Variants in INO80 observed in about 807,000 individuals in gnomAD.
INO80 encodes INO80 complex ATPase subunit.
INO80 carries 20 observed loss-of-function variants against 203.4 expected under a neutral mutation model. The observed-to-expected ratio is 0.10, with a 90% confidence interval of 0.07 to 0.14. The LOEUF is 0.14. Ranked by LOEUF, INO80 falls within the 10% of genes least tolerant of loss-of-function variation. The pLI is 1.00. For synonymous variants in INO80, 726 were observed against 685.2 expected, an observed-to-expected ratio of 1.06 and a Z score of -0.93; for missense variants, 1,419 against 1,914.4, an observed-to-expected ratio of 0.74 and a Z score of 4.83.
intron 25 of INO80, 44 bp from the exon 26 acceptor site, chr15:41,021,169 A>T (rs772390366): frequency 3.0e-6 from 4 of 1,340,876 alleles, no homozygotes; most frequent in Non-Finnish European, 2.1e-6. Context: ...CACGTTGTCC[A>T]TACACACTAT....
chr15:41,072,683 CAA>C (rs1369070073), intron 11 of INO80, among the ~76,000 whole-genome samples: 5 of 140,698 alleles, frequency 3.6e-5, no homozygotes, highest in African/African-American at 7.8e-5. Flanking sequence ...AAATAAATAA[CAA>C]AGAGCAAGTT....
intron 21 of INO80, among the ~76,000 whole-genome samples, chr15:41,049,026 T>A (rs893507098): frequency 3.3e-5 from 5 of 152,268 alleles, no homozygotes; most frequent in Admixed American, 1.3e-4. Context: ...GCATACTTGC[T>A]GCAAGTACAT....
chr15:41,025,839 C>T (rs1390353598), intron 25 of INO80, among the ~76,000 whole-genome samples: 3 of 152,184 alleles, frequency 2.0e-5, no homozygotes, highest in Non-Finnish European at 4.4e-5. Context: ...TTGGTATACA[C>T]CTATCATACT....
chr15:41,062,284 G>A (rs1404421595), intron 14 of INO80, among the ~76,000 whole-genome samples: 1 of 152,054 alleles, frequency 6.6e-6, no homozygotes, highest in East Asian at 1.9e-4. Context: ...AAGAAGGCAA[G>A]TTTTTCCCCC....
intron 34 of INO80, chr15:40,983,356 CA>C (rs1267443817): frequency 1.1e-5 from 5 of 451,720 alleles, no homozygotes; most frequent in Non-Finnish European, 2.0e-5. Flanking sequence ...TTGTCCATTA[CA>C]AAGGGAAGCG....
chr15:41,075,676 A>T (rs1357915171), intron 9 of INO80, among the ~76,000 whole-genome samples: 1 of 151,982 alleles, frequency 6.6e-6, no homozygotes, highest in African/African-American at 2.4e-5. Context: ...GGATGGTCTC[A>T]ATCTCCCGAC....
rs780659627 is a variant in INO80 at position 41,021,131 on chromosome 15, G to T, written c.3049-6C>A. On this transcript the variant is annotated splice_region_variant and splice_polypyrimidine_tract_variant and intron_variant, in intron 25 of 35. Coordinates refer to ENST00000648947, the MANE Select transcript of INO80 (RefSeq NM_017553.3). ...TCCAATGGCACTGCGGTAACCTGCA[G>T]TTAAAGATTCACATGAGATGGCTCT... 36 of 1,603,968 alleles carry T rather than the reference G, an allele frequency of 2.2e-5. No homozygotes were observed. Among genetic ancestry groups the T allele is most frequent in the South Asian group, 1.5e-4 (14 of 90,884 alleles).
In INO80 at chr15:41,038,011, C is replaced by CTTTTT. The variant is rs748525965; in HGVS notation, c.2907+6888_2907+6892dup. ...GCCTCTCTTGCCCCTCTTCCCTTTT[C>CTTTTT]TTTTTTTTTTTTTTTTTTTTTGAGA... On this transcript the variant is annotated intron_variant, in intron 24 of 35. Transcript: ENST00000648947. Among the ~76,000 whole-genome samples the CTTTTT allele has an allele frequency of 1.6e-3, 146 of 89,764 alleles. 1 individual carries two copies. Among genetic ancestry groups the CTTTTT allele is most frequent in the South Asian group, 2.6e-3 (5 of 1,952 alleles). The allele number at this position is 89,764 out of a possible 152,430, so 58.9% of individuals were successfully genotyped here. A position where few individuals can be genotyped will look rare whatever the true frequency, so the allele number is the denominator to read the frequency against.
chr15:40,984,627 C>T (rs1478793153), intron 32 of INO80, among the ~76,000 whole-genome samples: 1 of 102,278 alleles, frequency 9.8e-6, no homozygotes, highest in African/African-American at 3.2e-5. Context: ...GACCCCAGCT[C>T]AAAAGAAAAA....
intron 27 of INO80, among the ~76,000 whole-genome samples, chr15:41,006,942 G>GA: frequency 6.6e-6 from 1 of 152,134 alleles, no homozygotes. Flanking sequence ...ACTAATGGCA[G>GA]AAGGGTAGGG....
intron 24 of INO80, among the ~76,000 whole-genome samples, chr15:41,037,079 G>T (rs2044588365): frequency 6.6e-6 from 1 of 151,530 alleles, no homozygotes; most frequent in Non-Finnish European, 1.5e-5. Flanking sequence ...CTCCAGCCTG[G>T]GTGACAGAGC....
intron 31 of INO80, 32 bp downstream of exon 31, chr15:40,987,059 G>C: frequency 8.1e-7 from 1 of 1,237,360 alleles, no homozygotes; most frequent in South Asian, 1.2e-5. Context: ...TCAGATACGT[G>C]AGGGGAGTGT....
intron 30 of INO80, 96 bp from the exon 31 acceptor site, chr15:40,987,289 A>AGG (rs930256150): frequency 5.8e-6 from 4 of 691,566 alleles, no homozygotes; most frequent in Non-Finnish European, 1.0e-5. Flanking sequence ...CCCACTCCTC[A>AGG]GGGGAGGCCT....
rs1471836999 is a variant in INO80, at chr15:41,096,169, T to C, written c.142A>G (p.Ser48Gly). The stretch of plus-strand genomic sequence containing the variant: ...TATTGCAAAGATACAATAACATACC[T>C]AGAAATATTCCTATTGAAGATAGCT... ...TSAIFNRNIS[S>G]DDSEDGLDDS... is the part of the protein sequence containing the mutation. The change falls in exon 2 of 36, where the codon AGT becomes GGT. Residue 48 changes from serine (S) to glycine (G), a missense_variant and splice_region_variant. Coordinates refer to ENST00000648947, the MANE Select transcript of INO80 (RefSeq NM_017553.3). 3 of 1,601,928 alleles carry C rather than the reference T, an allele frequency of 1.9e-6. No homozygotes were observed. Among genetic ancestry groups the C allele is most frequent in the African/African-American group, 2.7e-5 (2 of 74,184 alleles).
intron 21 of INO80, among the ~76,000 whole-genome samples, chr15:41,048,494 G>T (rs1397313902): frequency 6.6e-6 from 1 of 152,126 alleles, no homozygotes; most frequent in Non-Finnish European, 1.5e-5. Flanking sequence ...ATTAAAAGTA[G>T]TCTCATTTTA....
intron 29 of INO80, among the ~76,000 whole-genome samples, chr15:40,988,593 A>C (rs2043772988): frequency 1.3e-5 from 2 of 152,022 alleles, no homozygotes; most frequent in Admixed American, 1.3e-4. Context: ...CTCAAAAACA[A>C]AACAGGTCAG....
chr15:41,073,332 C>T, intron 11 of INO80, 96 bp downstream of exon 11: 1 of 1,033,970 alleles, frequency 9.7e-7, no homozygotes, highest in Non-Finnish European at 1.5e-6. Flanking sequence ...CTTTTAATTG[C>T]AAATGTGATT....
intron 1 of INO80, among the ~76,000 whole-genome samples, chr15:41,113,975 A>T (rs1409643235): frequency 1.3e-5 from 2 of 152,194 alleles, no homozygotes; most frequent in African/African-American, 4.8e-5. Flanking sequence ...CAATCCCTTA[A>T]AAACAAAATT....
chr15:41,087,468 T>C, intron 6 of INO80, 94 bp downstream of exon 6: 1 of 1,296,172 alleles, frequency 7.7e-7, no homozygotes, highest in Non-Finnish European at 1.1e-6. Context: ...TTCTACCATA[T>C]GGACTTATAT....
Sources: gnomAD v4.1 joint callset for allele counts (sites outside exome capture counted in the v4.1 genomes callset) on GRCh38, gnomAD v4.1.1 for gene constraint, MANE v1.5 for transcripts, NCBI Gene and HGNC (gene_info 2026-07-23, HGNC 2026-07-21) for gene names.